The following FBRSL1 variants were observed in gnomAD, a reference collection of about 807,000 sequenced individuals.
FBRSL1 encodes the protein fibrosin like 1.
FBRSL1 carries 51 observed loss-of-function variants against 89.6 expected under a neutral mutation model. The ratio of observed to expected loss-of-function variants is 0.57; its 90% CI spans 0.45 to 0.72. FBRSL1 has a LOEUF of 0.72. FBRSL1 is among the 30% of genes least tolerant of loss of function. The pLI, the probability that FBRSL1 is intolerant of heterozygous loss-of-function variation, is 0.00. For synonymous variants in FBRSL1, 779 were observed against 681.1 expected (o/e 1.14, Z -2.24); for missense variants, 1,618 against 1,451.8 (o/e 1.11, Z -1.86).
At chr12:132,512,959 G>A (rs1194099347) in intron 2 of FBRSL1, among the ~76,000 whole-genome samples, 2 of 152,208 alleles carry the variant, frequency 1.3e-5, no homozygotes, top group African/African-American at 2.4e-5. Context: ...TCGGGGTGCC[G>A]CCATGGGGAG....
rs117532762 is a variant in FBRSL1 at position 132,536,197 on chromosome 12, C to G, written c.615+8209C>G. On this transcript the variant is annotated intron_variant, in intron 4 of 18. Coordinates refer to ENST00000680143, the MANE Select transcript of FBRSL1 (RefSeq NM_001367871.1). ...ACGATGGTGTGTGAGTGCACATGTA[C>G]ATGATAGTGTGTGTGAGTGCACGTG... 0.012 allele frequency among the ~76,000 whole-genome samples: 1,759 copies of G among 141,756 alleles called. 46 individuals are homozygous for G. The East Asian group carries it at 0.13, about 10-fold the overall frequency. 93.0% of individuals were successfully genotyped at this position (141,756 alleles called of 152,430 possible).
intron 4 of FBRSL1, among the ~76,000 whole-genome samples, chr12:132,534,900 C>T (rs1012269730): frequency 6.6e-6 from 1 of 152,228 alleles, no homozygotes; most frequent in African/African-American, 2.4e-5. Context: ...ATGAGTGCCG[C>T]CTTTCACCCC....
At chr12:132,527,651 CGGGGCAGGGTTGTGGGCTGCGGGGCTGT>C (rs753823919) in intron 3 of FBRSL1, among the ~76,000 whole-genome samples, 1 of 113,696 alleles carries the variant, frequency 8.8e-6, no homozygotes, top group South Asian at 3.1e-4. Context: ...TGCGGGGCTG[CGGGGCAGGGTTGTGGGCTGCGGGGCTGT>C]GGGGCAGGGT....
chr12:132,527,550 G>A (rs1002858474), intron 3 of FBRSL1, among the ~76,000 whole-genome samples: 3 of 152,194 alleles, frequency 2.0e-5, no homozygotes, highest in Admixed American at 6.5e-5. Context: ...TCTTGGGTCT[G>A]GGCATCTGGA....
At chr12:132,517,955 G>A (rs1172563102) in intron 2 of FBRSL1, among the ~76,000 whole-genome samples, 5 of 152,116 alleles carry the variant, frequency 3.3e-5, no homozygotes, top group Non-Finnish European at 7.4e-5. Flanking sequence ...AAGTGATGCA[G>A]CCCAGGCGGC....
At chr12:132,548,114 G>C in intron 5 of FBRSL1, 82 bp downstream of exon 5, 6 of 1,494,630 alleles carry the variant, frequency 4.0e-6, no homozygotes, top group Non-Finnish European at 4.5e-6. Context: ...GTGGGCCCTG[G>C]AGACCAGGCA....
At position 132,558,468 on chromosome 12, in the gene FBRSL1, G is replaced by C. The variant is rs571407430; in HGVS notation, c.646-9013G>C. Among the ~76,000 whole-genome samples the C allele has an allele frequency of 2.6e-3, 403 of 152,392 alleles. 1 individual carries two copies. Among genetic ancestry groups the C allele is most frequent in the Non-Finnish European group, 4.9e-3 (332 of 68,040 alleles). On this transcript the variant is annotated intron_variant, in intron 5 of 18. Coordinates refer to ENST00000680143, the MANE Select transcript of FBRSL1 (RefSeq NM_001367871.1). ...GCCCGGAAGTGCCTATGTGGACACAGTGTGTGTGCATGGACGCAAGCGCGT... is the reference window on the plus strand; with the variant it reads ...GCCCGGAAGTGCCTATGTGGACACACTGTGTGTGCATGGACGCAAGCGCGT...
chr12:132,539,305 G>A (rs1022838159), intron 4 of FBRSL1, among the ~76,000 whole-genome samples: 4 of 151,268 alleles, frequency 2.6e-5, no homozygotes, highest in South Asian at 4.2e-4. Context: ...CCCATGCCCC[G>A]GCCCTCCAGC....
chr12:132,574,643 C>A, intron 14 of FBRSL1, 79 bp downstream of exon 14: 1 of 1,496,560 alleles, frequency 6.7e-7, no homozygotes, highest in Non-Finnish European at 8.9e-7. Flanking sequence ...AGGCATGAGG[C>A]TGTGTGTGTT....
chr12:132,491,817 C>T (rs975245715), intron 1 of FBRSL1, among the ~76,000 whole-genome samples: 1 of 152,246 alleles, frequency 6.6e-6, no homozygotes, highest in African/African-American at 2.4e-5. Context: ...GGCCGGTGGC[C>T]AGGGAAGTGG....
rs184391783 is a variant in FBRSL1, at chr12:132,511,983, C to T, written c.489+3633C>T. On this transcript the variant is annotated intron_variant, in intron 2 of 18. Coordinates refer to ENST00000680143, the MANE Select transcript of FBRSL1 (RefSeq NM_001367871.1). Reference sequence around the variant, plus strand: ...AGCGTTTGTAATTTAAACAGACGAGCATGTGTCTTACGTGATTTATTCCCA... The same window carrying T: ...AGCGTTTGTAATTTAAACAGACGAGTATGTGTCTTACGTGATTTATTCCCA... 2.6e-5 allele frequency: 26 copies of T among 985,478 alleles called. No individual in the cohort carries two copies. The African/African-American group carries it at 4.4e-4, about 17-fold the overall frequency. The allele number at this position is 985,478 out of a possible 1,614,324, so 61.0% of individuals were successfully genotyped here.
At chr12:132,567,631 T>C in intron 6 of FBRSL1, 105 bp downstream of exon 6, 1 of 1,224,550 alleles carries the variant, frequency 8.2e-7, no homozygotes. Context: ...GAGATGGTCT[T>C]GGCACCTGGG....
At chr12:132,571,327 G>C (rs1377969301) in intron 9 of FBRSL1, 96 bp downstream of exon 9, 1 of 1,548,884 alleles carries the variant, frequency 6.5e-7, no homozygotes, top group South Asian at 1.2e-5. Context: ...GCTCAGGCAA[G>C]AGCTGAACAC....
At chr12:132,530,144 C>T (rs958828633) in intron 4 of FBRSL1, among the ~76,000 whole-genome samples, 1 of 151,890 alleles carries the variant, frequency 6.6e-6, no homozygotes, top group Non-Finnish European at 1.5e-5. Context: ...TGATGACGCT[C>T]CTCCGCCCTT....
rs142045363 is a variant in FBRSL1, at chr12:132,581,313, G to A, written c.1835-126G>A. ...TGACTGGACACGCTTCACCCCTCAG[G>A]GCATGCGAGAGAATGGGAGGTGAAG... is the stretch of plus-strand genomic sequence containing the variant. On this transcript the variant is annotated intron_variant, in intron 15 of 18. Transcript: ENST00000680143. The A allele has an allele frequency of 6.4e-5, 99 of 1,537,692 alleles. No individual in the cohort carries two copies. The Middle Eastern group carries it at 8.5e-4, about 13-fold the overall frequency.
intron 4 of FBRSL1, among the ~76,000 whole-genome samples, chr12:132,531,713 T>C (rs546243088): frequency 7.9e-5 from 12 of 152,306 alleles, no homozygotes; most frequent in African/African-American, 2.9e-4. Context: ...TTGCGTGTTG[T>C]GCACGTGTGC....
intron 4 of FBRSL1, among the ~76,000 whole-genome samples, chr12:132,542,951 C>G (rs1221645729): frequency 2.0e-5 from 3 of 152,230 alleles, no homozygotes; most frequent in East Asian, 1.9e-4. Context: ...TGACAGGCAG[C>G]CCCAACCCCA....
intron 15 of FBRSL1, chr12:132,581,191 C>T (rs1447425238): frequency 2.0e-6 from 2 of 976,678 alleles, no homozygotes; most frequent in Non-Finnish European, 2.4e-6. Flanking sequence ...GCACTCAGCA[C>T]CTCCCTCCCT....
intron 5 of FBRSL1, among the ~76,000 whole-genome samples, chr12:132,562,218 G>C (rs139714977): frequency 1.9e-4 from 29 of 152,334 alleles, no homozygotes; most frequent in Non-Finnish European, 3.2e-4. Context: ...GTTGAGGCGA[G>C]CAGAGAGGAG....
Sources: gnomAD v4.1 joint callset for allele counts (sites outside exome capture counted in the v4.1 genomes callset) on GRCh38, gnomAD v4.1.1 for gene constraint, MANE v1.5 for transcripts, NCBI Gene and HGNC (gene_info 2026-07-23, HGNC 2026-07-21) for gene names.